Variants in MTMR4 observed in about 807,000 individuals in gnomAD.
MTMR4 encodes myotubularin related protein 4.
In MTMR4, 30 loss-of-function variants were observed where a neutral mutation model predicts 125.5. The ratio of observed to expected loss-of-function variants is 0.24; its 90% CI spans 0.18 to 0.32. The LOEUF (loss-of-function observed/expected upper bound fraction) is 0.32, where lower values mean the gene tolerates loss of function less well. Ranked by LOEUF, MTMR4 falls within the 10% of genes least tolerant of loss-of-function variation. The probability of loss-of-function intolerance (pLI) is 1.00; values close to 1 mark genes in which losing one functional copy is unlikely to be tolerated. For synonymous variants in MTMR4, 498 were observed against 564.5 expected (o/e 0.88, Z 1.67); for missense variants, 1,039 against 1,511.5 (o/e 0.69, Z 5.18).
rs142369640 is a variant in MTMR4, at chr17:58,495,314, C to T, written c.2870G>A (p.Arg957Gln). Reference protein sequence around the residue: ...CSKRPNSKQMRATGPCFGGQW... With the variant: ...CSKRPNSKQMQATGPCFGGQW... Reference sequence around the variant, plus strand: ...GCCCCCAAAGCAGGGCCCTGTGGCCCGCATCTGCTTACTGTTTGGCCTCTT... The same window carrying T: ...GCCCCCAAAGCAGGGCCCTGTGGCCTGCATCTGCTTACTGTTTGGCCTCTT... The change falls in exon 15 of 18, where the codon CGG becomes CAG. Residue 957 changes from arginine (R) to glutamine (Q), a missense_variant. This residue lies in a region of MTMR4 where 619 missense variants were observed against 714.5 expected (regional missense o/e 0.87). Transcript: ENST00000682306. 1.1e-4 allele frequency: 176 copies of T among 1,614,176 alleles called. No individual in the cohort carries two copies. The African/African-American group carries it at 1.3e-3, about 12-fold the overall frequency.
Position 58,491,722 on chromosome 17 carries a change from G to A in MTMR4, c.3571C>T (p.Arg1191Cys), listed in dbSNP as rs149445881. The A allele has an allele frequency of 5.4e-5, 87 of 1,613,922 alleles. No homozygotes were observed. The highest frequency in any genetic ancestry group is 6.7e-5 in the African/African-American group (5 of 74,900). Residue 1191 changes from arginine (R) to cysteine (C), a missense_variant, in exon 18 of 18, where the codon CGT becomes TGT. By Grantham distance (180) the Arg-to-Cys change is radical. This residue lies in a region of MTMR4 where 60 missense variants were observed against 129.6 expected (regional missense o/e 0.46). Coordinates refer to ENST00000682306, the MANE Select transcript of MTMR4 (RefSeq NM_001378067.1). ...TGTTGGCTCATGAGTTCCCTGGCAC[G>A]AGAGACTTGAATGTGTTCGTAACAT... ...NSCYEHIQVS[R>C]ARELMSQQLK...
At chr17:58,498,258 A>T (rs912229571) in intron 14 of MTMR4, among the ~76,000 whole-genome samples, 7 of 151,866 alleles carry the variant, frequency 4.6e-5, no homozygotes, top group African/African-American at 1.7e-4. Context: ...AAAAAGAAGA[A>T]TATAATTAAC....
At position 58,512,594 on chromosome 17, in the gene MTMR4, G is replaced by T; in HGVS notation, c.136-88C>A. ...CCCCTGATCTGTGGGATCCCCTCTG[G>T]AAAAGGTGGGCCAAGGCAAGAGAGG... On this transcript the variant is annotated intron_variant, in intron 2 of 17. Coordinates refer to ENST00000682306, the MANE Select transcript of MTMR4 (RefSeq NM_001378067.1). This position sits in a 1 kb window ranked among gnomAD's most constrained non-coding sequence, Gnocchi z 4.1. 1 of 1,145,970 alleles carries T rather than the reference G, an allele frequency of 8.7e-7. No individual in the cohort carries two copies. The allele number at this position is 1,145,970 out of a possible 1,614,324, so 71.0% of individuals were successfully genotyped here. A position where few individuals can be genotyped will look rare whatever the true frequency, so the allele number is the denominator to read the frequency against.
At position 58,492,801 on chromosome 17, in the gene MTMR4, T is replaced by C. The variant is rs568743233; in HGVS notation, c.3363+41A>G. 10 of 1,544,164 alleles carry C rather than the reference T, an allele frequency of 6.5e-6. No individual in the cohort carries two copies. In the African/African-American group the frequency reaches 1.4e-4, roughly 21 times the overall value. On this transcript the variant is annotated intron_variant, in intron 16 of 17. Coordinates refer to ENST00000682306, the MANE Select transcript of MTMR4 (RefSeq NM_001378067.1). ...ATCTCTGGAAAATATGATGACTCACTGGCTCACGTAAGTACCCACCACATA... is the reference window on the plus strand; with the variant it reads ...ATCTCTGGAAAATATGATGACTCACCGGCTCACGTAAGTACCCACCACATA...
rs1975966861 is a variant in MTMR4, at chr17:58,512,747, C to T, written c.135+105G>A. ...CCTCCAGAGACCAGGGAACATGAAG[C>T]CAGAGCTCTGGTACCAGATGCCCTT... On this transcript the variant is annotated intron_variant, in intron 2 of 17. Transcript: ENST00000682306. The surrounding 1 kb of genome is among the most constrained non-coding windows in gnomAD (Gnocchi z 4.1). 2 of 1,013,924 alleles carry T rather than the reference C, an allele frequency of 2.0e-6. No homozygotes were observed. The highest frequency in any genetic ancestry group is 4.2e-5 in the Admixed American group (2 of 47,266). The allele number at this position is 1,013,924 out of a possible 1,614,324, so 62.8% of individuals were successfully genotyped here.
At chr17:58,492,728 C>G (rs1975346112) in intron 16 of MTMR4, 114 bp downstream of exon 16, 4 of 1,327,100 alleles carry the variant, frequency 3.0e-6, no homozygotes, top group Admixed American at 1.8e-5. Context: ...ATTTGCCTAC[C>G]AGGCTGACAC....
In MTMR4 at chr17:58,490,890, A is replaced by C. The variant is rs1176666992; in HGVS notation, c.*773T>G. The C allele has an allele frequency of 1.3e-5, 2 of 152,668 alleles. No individual in the cohort carries two copies. Among genetic ancestry groups the C allele is most frequent in the African/African-American group, 4.8e-5 (2 of 41,462 alleles). The allele number at this position is 152,668 out of a possible 1,614,324, so 9.5% of individuals were successfully genotyped here. ...TTGCTTTTCCCTTCTCATTCTTCAC[A>C]GTGCATAACTCAAGAGCTGCCACTG... On this transcript the variant is annotated 3_prime_UTR_variant, in exon 18 of 18. Coordinates refer to ENST00000682306, the MANE Select transcript of MTMR4 (RefSeq NM_001378067.1).
At chr17:58,500,461 A>T (rs904598298) in intron 14 of MTMR4, among the ~76,000 whole-genome samples, 1 of 151,382 alleles carries the variant, frequency 6.6e-6, no homozygotes, top group African/African-American at 2.4e-5. Context: ...TTAGATGTTG[A>T]CTTAGAATTG....
At position 58,514,437 on chromosome 17, in the gene MTMR4, G is replaced by A. The variant is rs1441138745; in HGVS notation, c.-30C>T. On this transcript the variant is annotated 5_prime_UTR_variant, in exon 1 of 18. Coordinates refer to ENST00000682306, the MANE Select transcript of MTMR4 (RefSeq NM_001378067.1). ...GCGGGCGGTCTGGGCCAGCGCACATGTCCCCGGAGCCGCTGCGCTGCCCGC... is the reference window on the plus strand; with the variant it reads ...GCGGGCGGTCTGGGCCAGCGCACATATCCCCGGAGCCGCTGCGCTGCCCGC... 2 of 985,458 alleles carry A rather than the reference G, an allele frequency of 2.0e-6. No individual in the cohort carries two copies. The highest frequency in any genetic ancestry group is 6.2e-5 in the Admixed American group (1 of 16,248). The allele number at this position is 985,458 out of a possible 1,614,324, so 61.0% of individuals were successfully genotyped here. A position where few individuals can be genotyped will look rare whatever the true frequency, so the allele number is the denominator to read the frequency against.
At position 58,514,362 on chromosome 17, in the gene MTMR4, C is replaced by T. The variant is rs1976025399; in HGVS notation, c.45+1G>A. ...CCCCCAAAGGCAGGGTGGGCACTTA[C>T]GAAGCAGCTAAGCATGGAGCAGGAG... On this transcript the variant is annotated splice_donor_variant, in intron 1 of 17. Transcript: ENST00000682306. LOFTEE classifies it high-confidence loss of function. 2.0e-6 allele frequency: 2 copies of T among 987,954 alleles called. No homozygotes were observed. Among genetic ancestry groups the T allele is most frequent in the African/African-American group, 1.7e-5 (1 of 57,276 alleles). 61.2% of individuals were successfully genotyped at this position (987,954 alleles called of 1,614,324 possible).
Position 58,495,416 on chromosome 17 carries a change from C to G in MTMR4, c.2768G>C (p.Ser923Thr). 6.2e-7 allele frequency: 1 copy of G among 1,614,260 alleles called. No homozygotes were observed. Among genetic ancestry groups the G allele is most frequent in the Non-Finnish European group, 8.5e-7 (1 of 1,180,052 alleles). Residue 923 changes from serine to threonine, a missense_variant, in exon 15 of 18, where the codon AGC (serine) becomes ACC (threonine). Physicochemically the swap from Ser to Thr is moderately conservative, Grantham distance 58 (BLOSUM62 1). Coordinates refer to ENST00000682306, the MANE Select transcript of MTMR4 (RefSeq NM_001378067.1). ...EFSFLGSNWD[S>T]FQGMVTSFPS... ...GAATGAAGTCACCATCCCTTGGAAG[C>G]TGTCCCAGTTGGACCCTAGAAAAGA...
At chr17:58,516,471 G>T, upstream of MTMR4, 2 of 1,196,690 alleles carry the variant, frequency 1.7e-6, no homozygotes, top group Non-Finnish European at 1.2e-6. Context: ...TTTAGGAGCT[G>T]AACAGGGTAG....
rs533499597 is a variant in MTMR4, at chr17:58,505,633, C to A, written c.1034-50G>T. 4 of 1,368,852 alleles carry A rather than the reference C, an allele frequency of 2.9e-6. No individual in the cohort carries two copies. In the East Asian group the frequency reaches 1.0e-4, roughly 34 times the overall value. The allele number at this position is 1,368,852 out of a possible 1,614,324, so 84.8% of individuals were successfully genotyped here. ...ACATAAAAGCACGTCCTAGGCCGGG[C>A]GCGGTGGCTCACACCTGTAATCCCA... On this transcript the variant is annotated intron_variant, in intron 9 of 17. Coordinates refer to ENST00000682306, the MANE Select transcript of MTMR4 (RefSeq NM_001378067.1).
At position 58,505,000 on chromosome 17, in the gene MTMR4, G is replaced by T; in HGVS notation, c.1146-26C>A. On this transcript the variant is annotated intron_variant, in intron 10 of 17. Transcript: ENST00000682306. This position sits in a 1 kb window ranked among gnomAD's most constrained non-coding sequence, Gnocchi z 7.1. ...CTACACAAAAGCAGACATCAAGTCG[G>T]TCACAAAGGGTGCTGAGGCCACAGC... 6.4e-7 allele frequency: 1 copy of T among 1,571,600 alleles called. No homozygotes were observed. Among genetic ancestry groups the T allele is most frequent in the Non-Finnish European group, 8.6e-7 (1 of 1,156,614 alleles).
At chr17:58,503,678 A>G in intron 14 of MTMR4, 66 bp downstream of exon 14, 11 of 1,511,404 alleles carry the variant, frequency 7.3e-6, no homozygotes, top group Non-Finnish European at 9.8e-6. Context: ...GAACATTTAG[A>G]TGAGATGGGA....
chr17:58,493,324 A>G (rs1975364366), intron 15 of MTMR4, among the ~76,000 whole-genome samples: 1 of 152,244 alleles, frequency 6.6e-6, no homozygotes, highest in Admixed American at 6.5e-5. Flanking sequence ...ACACAGCTGC[A>G]TTCATTCATT....
intron 9 of MTMR4, among the ~76,000 whole-genome samples, chr17:58,506,511 C>T (rs1975782534): frequency 6.6e-6 from 1 of 152,208 alleles, no homozygotes; most frequent in Admixed American, 6.5e-5. Context: ...TTCTAATCAT[C>T]CCAACAATTT....
upstream of MTMR4, chr17:58,514,973 C>G: frequency 1.0e-6 from 1 of 982,854 alleles, no homozygotes; most frequent in Non-Finnish European, 1.2e-6. Context: ...CCTCCTTTCC[C>G]TCCAAAACCA....
Position 58,508,361 on chromosome 17 carries a change from A to G in MTMR4, c.594-87T>C, listed in dbSNP as rs568781613. The G allele has an allele frequency of 1.3e-6, 2 of 1,545,870 alleles. No individual in the cohort carries two copies. Among genetic ancestry groups the G allele is most frequent in the South Asian group, 2.2e-5 (2 of 89,588 alleles). ...TGGGGATGGCTTTGTGGGAAGAGAA[A>G]CCATGAGCCTTCCTCCCTCTCAGAC... is the stretch of plus-strand genomic sequence containing the variant. On this transcript the variant is annotated intron_variant, in intron 6 of 17. Transcript: ENST00000682306. This position sits in a 1 kb window ranked among gnomAD's most constrained non-coding sequence, Gnocchi z 4.8.
Sources: allele counts gnomAD v4.1 joint callset (sites outside exome capture counted in the v4.1 genomes callset), GRCh38; gene constraint gnomAD v4.1.1; regional missense constraint gnomAD v4.1.1; non-coding constraint Gnocchi (gnomAD v3.1); transcripts MANE v1.5; gene names NCBI Gene and HGNC (gene_info 2026-07-23, HGNC 2026-07-21).